Variants in MRPL13 observed in about 807,000 individuals in gnomAD.
The protein encoded by MRPL13 is large ribosomal subunit protein uL13m.
Under a neutral mutation model 29.0 loss-of-function variants are expected in MRPL13, and 33 were observed. That is an observed-to-expected ratio of 1.14 (90% CI 0.86 to 1.52). The LOEUF is 1.52. Ranked by LOEUF, MRPL13 falls within the 40% of genes most tolerant of loss-of-function variation. The probability of loss-of-function intolerance (pLI) is 0.00; values close to 1 mark genes in which losing one functional copy is unlikely to be tolerated. For synonymous variants in MRPL13, 77 were observed against 68.4 expected (o/e 1.13, Z -0.62); for missense variants, 227 against 216.7 (o/e 1.05, Z -0.30).
chr8:120,418,820 G>T (rs938044352), intron 5 of MRPL13, among the ~76,000 whole-genome samples: 1 of 151,928 alleles, frequency 6.6e-6, no homozygotes, highest in African/African-American at 2.4e-5. Flanking sequence ...TACCTTAGAG[G>T]TAAAGTGAAT....
rs759937576 is a variant in MRPL13 at position 120,419,873 on chromosome 8, C to A, written c.372G>T (p.Arg124Ser). ...TTACCTCATCTGGAAAAAGATGCAA[C>A]CTTTCCATCATTGTTCTTCTGTGAA... Reference protein sequence around the residue: ...KNLHRRTMMERLHLFPDEYIP... With the variant: ...KNLHRRTMMESLHLFPDEYIP... The change falls in exon 5 of 7, where the codon AGG becomes AGT. Residue 124 changes from arginine (R) to serine (S), a missense_variant. By Grantham distance (110) the Arg-to-Ser change is moderately radical. Coordinates refer to ENST00000306185, the MANE Select transcript of MRPL13 (RefSeq NM_014078.6). 3 of 1,591,852 alleles carry A rather than the reference C, an allele frequency of 1.9e-6. No homozygotes were observed. Among genetic ancestry groups the A allele is most frequent in the Admixed American group, 3.5e-5 (2 of 57,450 alleles).
At chr8:120,399,859 C>G (rs1812569982) in intron 6 of MRPL13, among the ~76,000 whole-genome samples, 1 of 152,060 alleles carries the variant, frequency 6.6e-6, no homozygotes, top group African/African-American at 2.4e-5. Flanking sequence ...TCTTACAAAA[C>G]AGACTTTAAA....
chr8:120,400,850 C>T (rs1035194516), intron 6 of MRPL13, among the ~76,000 whole-genome samples: 12 of 151,584 alleles, frequency 7.9e-5, no homozygotes, highest in Non-Finnish European at 1.6e-4. Context: ...AAATACAAAC[C>T]ACCATGCAAG....
chr8:120,419,960 CA>C, intron 4 of MRPL13, 22 bp from the exon 5 acceptor site: 1 of 1,468,874 alleles, frequency 6.8e-7, no homozygotes, highest in Non-Finnish European at 9.2e-7. Flanking sequence ...ACATAGGACA[CA>C]ATAAGAAAAT....
At chr8:120,396,592 G>C (rs1445859836) in intron 6 of MRPL13, among the ~76,000 whole-genome samples, 1 of 152,026 alleles carries the variant, frequency 6.6e-6, no homozygotes, top group Non-Finnish European at 1.5e-5. Flanking sequence ...CAAAATAAGT[G>C]TATAAACATC....
chr8:120,417,352 C>A (rs954755551), intron 5 of MRPL13, among the ~76,000 whole-genome samples: 1 of 152,136 alleles, frequency 6.6e-6, no homozygotes, highest in African/African-American at 2.4e-5. Flanking sequence ...ATAATAAATA[C>A]TCTGTATTGT....
At chr8:120,444,999 C>T (rs1230255772) in intron 1 of MRPL13, 69 bp downstream of exon 1, 1 of 1,607,638 alleles carries the variant, frequency 6.2e-7, no homozygotes, top group Admixed American at 1.7e-5. Flanking sequence ...ACTACTTAAT[C>T]TGCCGGAACC....
At chr8:120,439,373 G>T (rs80348404) in intron 2 of MRPL13, among the ~76,000 whole-genome samples, 1 of 152,310 alleles carries the variant, frequency 6.6e-6, no homozygotes, top group East Asian at 1.9e-4. Context: ...TAATATGTGT[G>T]TTAGATAAGC....
intron 1 of MRPL13, among the ~76,000 whole-genome samples, chr8:120,444,295 G>A (rs1414170575): frequency 3.3e-5 from 5 of 152,080 alleles, no homozygotes; most frequent in Admixed American, 6.5e-5. Flanking sequence ...TACTTGGAGC[G>A]GCACTGAGTT....
intron 3 of MRPL13, among the ~76,000 whole-genome samples, chr8:120,426,371 T>C (rs1812932010): frequency 6.6e-6 from 1 of 152,108 alleles, no homozygotes; most frequent in African/African-American, 2.4e-5. Flanking sequence ...ATAAAACTTG[T>C]CAAAGTTAGA....
intron 6 of MRPL13, among the ~76,000 whole-genome samples, chr8:120,405,158 G>A (rs913868788): frequency 6.6e-6 from 1 of 152,198 alleles, no homozygotes; most frequent in Non-Finnish European, 1.5e-5. Flanking sequence ...AACTCATACT[G>A]GAGGCAATTA....
chr8:120,425,468 C>G lies in MRPL13; in HGVS notation c.246-102G>C, dbSNP rs540382714. 182 of 804,954 alleles carry G rather than the reference C, an allele frequency of 2.3e-4. 2 individuals are homozygous for G. In the African/African-American group the frequency reaches 2.9e-3, roughly 13 times the overall value. The allele number at this position is 804,954 out of a possible 1,614,324, so 49.9% of individuals were successfully genotyped here. A position where few individuals can be genotyped will look rare whatever the true frequency, so the allele number is the denominator to read the frequency against. On this transcript the variant is annotated intron_variant, in intron 3 of 6. Coordinates refer to ENST00000306185, the MANE Select transcript of MRPL13 (RefSeq NM_014078.6). ...AAAACTATTTTAATAAATTGTTTCT[C>G]GAAACTGCTTTTCATTAGTGTTTTC...
At chr8:120,418,225 A>G (rs1435501023) in intron 5 of MRPL13, among the ~76,000 whole-genome samples, 1 of 152,104 alleles carries the variant, frequency 6.6e-6, no homozygotes, top group Non-Finnish European at 1.5e-5. Context: ...AGTCACAAAA[A>G]TATCTGTCAT....
chr8:120,433,883 C>A (rs565884694), intron 2 of MRPL13, among the ~76,000 whole-genome samples: 10 of 152,146 alleles, frequency 6.6e-5, no homozygotes, highest in South Asian at 4.1e-4. Context: ...TAAAACTGCA[C>A]ATTTAATATA....
chr8:120,403,374 C>T (rs949171613), intron 6 of MRPL13, among the ~76,000 whole-genome samples: 2 of 152,128 alleles, frequency 1.3e-5, no homozygotes, highest in South Asian at 2.1e-4. Flanking sequence ...TTATCCTCAG[C>T]AAACTAATGT....
chr8:120,401,165 T>TCTATA (rs1350284996), intron 6 of MRPL13, among the ~76,000 whole-genome samples: 2 of 152,106 alleles, frequency 1.3e-5, no homozygotes, highest in Non-Finnish European at 2.9e-5. Flanking sequence ...GCCAGCATAA[T>TCTATA]CCTAATACCA....
intron 6 of MRPL13, among the ~76,000 whole-genome samples, chr8:120,407,369 AC>A (rs1171263724): frequency 6.6e-6 from 1 of 152,150 alleles, no homozygotes. Flanking sequence ...AAGATAAGTG[AC>A]ACTTAACATT....
At chr8:120,433,797 T>C (rs1166806578) in intron 2 of MRPL13, among the ~76,000 whole-genome samples, 1 of 152,130 alleles carries the variant, frequency 6.6e-6, no homozygotes, top group East Asian at 1.9e-4. Context: ...ACTGTAACCC[T>C]GGATATAGCA....
At chr8:120,443,036 G>A in intron 2 of MRPL13, 149 bp downstream of exon 2, 1 of 781,976 alleles carries the variant, frequency 1.3e-6, no homozygotes, top group Non-Finnish European at 1.8e-6. Flanking sequence ...TTCAGTTTTG[G>A]GCGCTAGTAT....
Sources: allele counts gnomAD v4.1 joint callset (sites outside exome capture counted in the v4.1 genomes callset), GRCh38; gene constraint gnomAD v4.1.1; transcripts MANE v1.5; gene names NCBI Gene and HGNC (gene_info 2026-07-23, HGNC 2026-07-21).